Variants in SPTLC2 observed in about 807,000 individuals in gnomAD.
SPTLC2 encodes the protein serine palmitoyltransferase long chain base subunit 2.
In SPTLC2, 21 loss-of-function variants were observed where a neutral mutation model predicts 62.0. The observed-to-expected ratio is 0.34, with a 90% CI of 0.24 to 0.49. The LOEUF is 0.49. SPTLC2 is among the 20% of genes least tolerant of loss of function. The probability of loss-of-function intolerance (pLI) is 0.99; values close to 1 mark genes in which losing one functional copy is unlikely to be tolerated. For synonymous variants in SPTLC2, 261 were observed against 261.8 expected (o/e 1.00, Z 0.03); for missense variants, 511 against 713.0 (o/e 0.72, Z 3.23).
intron 8 of SPTLC2, among the ~76,000 whole-genome samples, chr14:77,552,433 G>A (rs887739543): frequency 1.3e-5 from 2 of 152,164 alleles, no homozygotes; most frequent in Non-Finnish European, 2.9e-5. Context: ...GTTTGGTTTT[G>A]TTTTTTAAAC....
At chr14:77,550,157 T>C (rs1249827991) in intron 9 of SPTLC2, among the ~76,000 whole-genome samples, 2 of 152,246 alleles carry the variant, frequency 1.3e-5, no homozygotes, top group African/African-American at 2.4e-5. Context: ...ATAAAACAAC[T>C]TCTTCAAGGA....
chr14:77,560,673 T>G (rs908504778), intron 6 of SPTLC2, among the ~76,000 whole-genome samples: 2 of 151,582 alleles, frequency 1.3e-5, no homozygotes, highest in East Asian at 3.9e-4. Flanking sequence ...GAATACTATG[T>G]AGCCATAAGA....
At chr14:77,587,657 C>A (rs1362537826) in intron 2 of SPTLC2, among the ~76,000 whole-genome samples, 3 of 151,822 alleles carry the variant, frequency 2.0e-5, no homozygotes, top group Non-Finnish European at 2.9e-5. Flanking sequence ...ATCCCAGCTA[C>A]TCGGAAGGCT....
chr14:77,550,377 C>T (rs2079549572), intron 9 of SPTLC2, among the ~76,000 whole-genome samples: 1 of 152,140 alleles, frequency 6.6e-6, no homozygotes, highest in Admixed American at 6.5e-5. Context: ...GAGTTCGAGA[C>T]CAGCCTGACC....
rs1441148881 is a variant in SPTLC2 at position 77,506,052 on chromosome 14, T to C, written c.*6232A>G. 1 of 152,222 alleles carries C rather than the reference T, an allele frequency of 6.6e-6. No homozygotes were observed. The highest frequency in any genetic ancestry group is 2.4e-5 in the African/African-American group (1 of 41,460). 9.4% of individuals were successfully genotyped at this position (152,222 alleles called of 1,614,324 possible). The stretch of plus-strand genomic sequence containing the variant: ...CAAGATATTTGCATGGGATGCTTCT[T>C]AAGTCATCTCAAGTAGTTCCCCTTC... On this transcript the variant is annotated 3_prime_UTR_variant, in exon 12 of 12. Coordinates refer to ENST00000216484, the MANE Select transcript of SPTLC2 (RefSeq NM_004863.4).
In SPTLC2 at chr14:77,518,596, C is replaced by CAAAA. The variant is rs11400711; in HGVS notation, c.1440-433_1440-430dup. ...TGAGCAACAGAGCAAGGCTCTGTCT[C>CAAAA]AAAAAAAAAAAAAAGTGTCCCTGAT... On this transcript the variant is annotated intron_variant, in intron 10 of 11. Coordinates refer to ENST00000216484, the MANE Select transcript of SPTLC2 (RefSeq NM_004863.4). 3.4e-3 allele frequency among the ~76,000 whole-genome samples: 494 copies of CAAAA among 143,230 alleles called. 5 individuals are homozygous for CAAAA. The highest frequency in any genetic ancestry group is 0.011 in the African/African-American group (437 of 38,272). The allele number at this position is 143,230 out of a possible 152,430, so 94.0% of individuals were successfully genotyped here. A position where few individuals can be genotyped will look rare whatever the true frequency, so the allele number is the denominator to read the frequency against.
At chr14:77,589,065 G>T in intron 2 of SPTLC2, among the ~76,000 whole-genome samples, 1 of 134,366 alleles carries the variant, frequency 7.4e-6, no homozygotes, top group African/African-American at 2.9e-5. Flanking sequence ...GAAAAGGAAA[G>T]CATTATAAAT....
At chr14:77,553,853 T>G (rs1214129428) in intron 8 of SPTLC2, among the ~76,000 whole-genome samples, 1 of 152,140 alleles carries the variant, frequency 6.6e-6, no homozygotes, top group African/African-American at 2.4e-5. Flanking sequence ...CTTGCTCTGT[T>G]GCCCAGGCTG....
chr14:77,596,026 T>C (rs2079845046), intron 2 of SPTLC2, among the ~76,000 whole-genome samples: 1 of 151,872 alleles, frequency 6.6e-6, no homozygotes, highest in Non-Finnish European at 1.5e-5. Flanking sequence ...GAGCTTCAAG[T>C]CAATAACAAG....
chr14:77,611,691 T>C (rs1255925226), intron 1 of SPTLC2, among the ~76,000 whole-genome samples: 1 of 151,930 alleles, frequency 6.6e-6, no homozygotes, highest in Non-Finnish European at 1.5e-5. Context: ...CCAGGCGTGG[T>C]GGCGCATGCC....
intron 9 of SPTLC2, among the ~76,000 whole-genome samples, chr14:77,541,000 T>C (rs1566774104): frequency 6.6e-6 from 1 of 151,690 alleles, no homozygotes. Context: ...ACTCAGAAGG[T>C]ATGCTTGCAA....
intron 9 of SPTLC2, among the ~76,000 whole-genome samples, chr14:77,524,943 G>GA: frequency 6.6e-6 from 1 of 152,272 alleles, no homozygotes; most frequent in South Asian, 2.1e-4. Flanking sequence ...GATAGCACAG[G>GA]ATGACTACAG....
intron 11 of SPTLC2, among the ~76,000 whole-genome samples, chr14:77,516,001 TGTGTGCGC>T (rs1248332843): frequency 4.5e-5 from 1 of 22,414 alleles, no homozygotes; most frequent in African/African-American, 6.4e-5. Flanking sequence ...TGTGTGTGTG[TGTGTGCGC>T]GCGCGCGCAT....
intron 2 of SPTLC2, among the ~76,000 whole-genome samples, chr14:77,587,686 G>A (rs2079789637): frequency 1.3e-5 from 2 of 151,720 alleles, no homozygotes; most frequent in South Asian, 4.1e-4. Flanking sequence ...GAACCTGGGA[G>A]GTGGAGGTTG....
At chr14:77,612,009 G>A (rs971991869) in intron 1 of SPTLC2, among the ~76,000 whole-genome samples, 3 of 152,142 alleles carry the variant, frequency 2.0e-5, no homozygotes, top group Non-Finnish European at 4.4e-5. Flanking sequence ...ACAGTAAATG[G>A]GTCAAGAGCA....
chr14:77,577,035 T>C, intron 3 of SPTLC2, 120 bp from the exon 4 acceptor site: 1 of 1,020,380 alleles, frequency 9.8e-7, no homozygotes, highest in Non-Finnish European at 1.5e-6. Flanking sequence ...TAAAAAAATC[T>C]CAAACACACT....
At chr14:77,579,181 T>C (rs1323389409) in intron 2 of SPTLC2, 72 bp from the exon 3 acceptor site, 27 of 1,502,138 alleles carry the variant, frequency 1.8e-5, no homozygotes, top group Non-Finnish European at 2.4e-5. Context: ...ACAGATGACA[T>C]GATCTTTTAT....
At chr14:77,552,035 A>G (rs905339611) in intron 9 of SPTLC2, 61 bp downstream of exon 9, 2 of 1,603,812 alleles carry the variant, frequency 1.2e-6, no homozygotes, top group African/African-American at 2.7e-5. Flanking sequence ...AAGCTCAAGA[A>G]AAACAGCACG....
chr14:77,567,785 G>C (rs1475969993), intron 5 of SPTLC2, among the ~76,000 whole-genome samples: 1 of 146,588 alleles, frequency 6.8e-6, no homozygotes, highest in Non-Finnish European at 1.5e-5. Flanking sequence ...TGCTTAGTTT[G>C]GGTTTAATTT....
Sources: gnomAD v4.1 joint callset for allele counts (sites outside exome capture counted in the v4.1 genomes callset) on GRCh38, gnomAD v4.1.1 for gene constraint, MANE v1.5 for transcripts, NCBI Gene and HGNC (gene_info 2026-07-23, HGNC 2026-07-21) for gene names.